Variants in CDH19 observed in about 807,000 individuals in gnomAD.
CDH19 encodes the protein cadherin-19.
CDH19 carries 67 observed loss-of-function variants against 64.2 expected under a neutral mutation model. The ratio of observed to expected loss-of-function variants is 1.04; its 90% confidence interval spans 0.86 to 1.28. The LOEUF is 1.28. Ranked by LOEUF, CDH19 falls within the 50% of genes most tolerant of loss-of-function variation. The pLI is 0.00. For missense variants in CDH19, 1,030 were observed against 929.0 expected, an observed-to-expected ratio of 1.11 and a Z score of -1.41; for synonymous variants, 346 against 319.3, an observed-to-expected ratio of 1.08 and a Z score of -0.89.
chr18:66,510,519 T>A (rs1445224438), intron 10 of CDH19, among the ~76,000 whole-genome samples: 1 of 147,292 alleles, frequency 6.8e-6, no homozygotes, highest in Non-Finnish European at 1.5e-5. Flanking sequence ...TTTTAAAATA[T>A]AATTTTTAAC....
chr18:66,544,612 G>T, intron 6 of CDH19, 107 bp downstream of exon 6: 1 of 683,524 alleles, frequency 1.5e-6, no homozygotes, highest in Non-Finnish European at 2.3e-6. Context: ...TAAATTACTG[G>T]TTCTCATTTC....
rs758561860 is a variant in CDH19, at chr18:66,529,871, C to G, written c.1432G>C (p.Val478Leu). 1.9e-6 allele frequency: 3 copies of G among 1,594,016 alleles called. No homozygotes were observed. Among genetic ancestry groups the G allele is most frequent in the Admixed American group, 3.4e-5 (2 of 58,316 alleles). ...TGACCAGAGCCTGCATTTTCACAAACATAAGTCTCATAGTATTGAGAGAAC... is the reference window on the plus strand; with the variant it reads ...TGACCAGAGCCTGCATTTTCACAAAGATAAGTCTCATAGTATTGAGAGAAC... ...PEFSQYYETY[V>L]CENAGSGQVI... The change falls in exon 9 of 12, where the codon GTT becomes CTT. Residue 478 changes from valine (V) to leucine (L), a missense_variant. Transcript: ENST00000262150.
intron 1 of CDH19, among the ~76,000 whole-genome samples, chr18:66,592,985 G>GT (rs1200487273): frequency 6.6e-6 from 1 of 151,632 alleles, no homozygotes; most frequent in Non-Finnish European, 1.5e-5. Context: ...CCTTCATACT[G>GT]TTTTACATAA....
At chr18:66,569,961 T>C (rs1167486990) in intron 2 of CDH19, among the ~76,000 whole-genome samples, 1 of 151,664 alleles carries the variant, frequency 6.6e-6, no homozygotes, top group Non-Finnish European at 1.5e-5. Flanking sequence ...GTAACTAATT[T>C]TGCATTTTAA....
At chr18:66,589,254 A>T (rs1042139693) in intron 1 of CDH19, among the ~76,000 whole-genome samples, 1 of 149,078 alleles carries the variant, frequency 6.7e-6, no homozygotes, top group Non-Finnish European at 1.5e-5. Context: ...ATATATACAT[A>T]TATATATATA....
intron 1 of CDH19, among the ~76,000 whole-genome samples, chr18:66,603,407 C>A (rs1001443947): frequency 1.3e-5 from 2 of 151,284 alleles, no homozygotes; most frequent in Non-Finnish European, 3.0e-5. Context: ...TATGCCTGTA[C>A]AATTTTAGGC....
intron 1 of CDH19, among the ~76,000 whole-genome samples, chr18:66,599,210 C>G (rs546433997): frequency 6.6e-6 from 1 of 151,958 alleles, no homozygotes; most frequent in African/African-American, 2.4e-5. Context: ...TAGGTTAGCA[C>G]AATGTTTAAT....
At position 66,533,890 on chromosome 18, in the gene CDH19, T is replaced by C. The variant is rs545157621; in HGVS notation, c.1336+1096A>G. On this transcript the variant is annotated intron_variant, in intron 8 of 11. Coordinates refer to ENST00000262150, the MANE Select transcript of CDH19 (RefSeq NM_021153.4). ...GTAGGTGGTTTGTTTATATTGCTATTGAAGCTTAAATGGTCAAGCCTAATT... is the reference window on the plus strand; with the variant it reads ...GTAGGTGGTTTGTTTATATTGCTATCGAAGCTTAAATGGTCAAGCCTAATT... 5.9e-5 allele frequency among the ~76,000 whole-genome samples: 9 copies of C among 152,206 alleles called. No individual in the cohort carries two copies. In the East Asian group the frequency reaches 1.5e-3, roughly 26 times the overall value.
In CDH19 at chr18:66,544,779, C is replaced by A. The variant is rs546188565; in HGVS notation, c.900G>T (p.Ser300=). 53 of 1,611,326 alleles carry A rather than the reference C, an allele frequency of 3.3e-5. No homozygotes were observed. The highest frequency in any genetic ancestry group is 4.3e-5 in the Non-Finnish European group (51 of 1,177,864). The part of the protein sequence containing the change: ...EMDYSIEEDD[S]QTFDIITNHE... ...GATTAGTAATAATGTCAAATGTTTG[C>A]GAATCATCCTCTTCAATGCTGTAAT... Residue 300 remains serine, a synonymous_variant, in exon 6 of 12, where the codon TCG becomes TCT. Coordinates refer to ENST00000262150, the MANE Select transcript of CDH19 (RefSeq NM_021153.4).
intron 9 of CDH19, among the ~76,000 whole-genome samples, chr18:66,527,476 T>C (rs1986267567): frequency 1.3e-5 from 2 of 151,966 alleles, no homozygotes; most frequent in Non-Finnish European, 2.9e-5. Context: ...CGGCCAAGTG[T>C]GGTCGCTTAC....
At chr18:66,594,675 A>G (rs111256895) in intron 1 of CDH19, among the ~76,000 whole-genome samples, 2,825 of 152,040 alleles carry the variant, frequency 0.019, 92 homozygotes, top group South Asian at 0.1. Context: ...CTATGCAGCC[A>G]TAAAAAATTA....
chr18:66,581,082 T>A (rs1988408400), intron 1 of CDH19, among the ~76,000 whole-genome samples: 2 of 152,134 alleles, frequency 1.3e-5, no homozygotes, highest in South Asian at 4.1e-4. Context: ...TCCAATCAGA[T>A]GAATATGCTA....
intron 1 of CDH19, among the ~76,000 whole-genome samples, chr18:66,580,411 G>T (rs1176087486): frequency 6.6e-6 from 1 of 151,946 alleles, no homozygotes; most frequent in Non-Finnish European, 1.5e-5. Context: ...TTATATAAGT[G>T]TTTCACAATT....
chr18:66,583,090 A>G (rs1254307751), intron 1 of CDH19, among the ~76,000 whole-genome samples: 2 of 152,056 alleles, frequency 1.3e-5, no homozygotes, highest in Non-Finnish European at 2.9e-5. Flanking sequence ...TTTGCCTAAA[A>G]CACCTTTATC....
At chr18:66,513,208 T>C (rs1985577183) in intron 9 of CDH19, among the ~76,000 whole-genome samples, 1 of 151,490 alleles carries the variant, frequency 6.6e-6, no homozygotes, top group Admixed American at 6.6e-5. Flanking sequence ...AGCATCTGAG[T>C]AAATGTTGCA....
intron 8 of CDH19, among the ~76,000 whole-genome samples, chr18:66,531,619 TAA>T (rs1986448770): frequency 6.6e-6 from 1 of 152,030 alleles, no homozygotes; most frequent in Non-Finnish European, 1.5e-5. Flanking sequence ...CTGACTCAGA[TAA>T]AAGAGTCAAT....
chr18:66,511,455 C>T, intron 10 of CDH19, 113 bp downstream of exon 10: 1 of 562,126 alleles, frequency 1.8e-6, no homozygotes, highest in Non-Finnish European at 3.2e-6. Context: ...TGCTTGATTT[C>T]CAAACATTAT....
intron 7 of CDH19, among the ~76,000 whole-genome samples, chr18:66,537,371 T>A (rs1488989001): frequency 6.6e-6 from 1 of 151,874 alleles, no homozygotes; most frequent in Admixed American, 6.6e-5. Context: ...TAGACTAAGG[T>A]TACATATTTT....
rs1031997646 is a variant in CDH19 at position 66,518,546 on chromosome 18, T to C, written c.1459-6861A>G. ...ACTGTGTCCCACCTAGGTTTACTTT[T>C]ATCTGAGGGTTTCTTAGCATCAAAT... On this transcript the variant is annotated intron_variant, in intron 9 of 11. Coordinates refer to ENST00000262150, the MANE Select transcript of CDH19 (RefSeq NM_021153.4). Among the ~76,000 whole-genome samples, 23 of 152,178 alleles carry C rather than the reference T, an allele frequency of 1.5e-4. 1 individual carries two copies. The highest frequency in any genetic ancestry group is 4.4e-5 in the Non-Finnish European group (3 of 68,034).
Sources: allele counts gnomAD v4.1 joint callset (sites outside exome capture counted in the v4.1 genomes callset), GRCh38; gene constraint gnomAD v4.1.1; transcripts MANE v1.5; gene names NCBI Gene and HGNC (gene_info 2026-07-23, HGNC 2026-07-21).